HJURP: variants seen among roughly 807,000 people sequenced by gnomAD.
The protein encoded by HJURP is 14-3-3-associated AKT substrate.
A neutral mutation model predicts 72.0 loss-of-function variants in HJURP; 49 were observed. The observed-to-expected ratio is 0.68, with a 90% CI of 0.54 to 0.86. The LOEUF (loss-of-function observed/expected upper bound fraction) is 0.86, where lower values mean the gene tolerates loss of function less well. HJURP is among the 40% of genes least tolerant of loss of function. The pLI, the probability that HJURP is intolerant of heterozygous loss-of-function variation, is 0.00. For synonymous variants in HJURP, 357 were observed against 347.1 expected (o/e 1.03, Z -0.32); for missense variants, 908 against 936.3 (o/e 0.97, Z 0.39).
At chr2:233,843,017 A>G (rs1189078528) in intron 7 of HJURP, among the ~76,000 whole-genome samples, 2 of 152,232 alleles carry the variant, frequency 1.3e-5, no homozygotes, top group East Asian at 3.8e-4. Context: ...GTCAAATTGC[A>G]TACCGGCAAT....
At position 233,841,240 on chromosome 2, in the gene HJURP, A is replaced by G. The variant is rs766729520; in HGVS notation, c.1540T>C (p.Cys514Arg). 8.1e-6 allele frequency: 13 copies of G among 1,613,968 alleles called. No homozygotes were observed. In the East Asian group the frequency reaches 2.5e-4, roughly 30 times the overall value. The change falls in exon 8 of 9, where the codon TGC (cysteine) becomes CGC (arginine). Residue 514 changes from cysteine to arginine, a missense_variant. Coordinates refer to ENST00000411486, the MANE Select transcript of HJURP (RefSeq NM_018410.5). ...GAAGATGAATCGCTCTTGGGCAGGC[A>G]CCTACCTGCTTCCAGAGATCTTTTG... ...LGKRSLEAGR[C>R]LPKSDSSSSL...
Position 233,837,518 on chromosome 2 carries a change from A to G in HJURP, c.*59T>C, listed in dbSNP as rs1705106036. ...CTCACAGTCTCAAGAATCAAAAACA[A>G]AACAAAAATACAAACAGAGAGCAAG... is the stretch of plus-strand genomic sequence containing the variant. On this transcript the variant is annotated 3_prime_UTR_variant, in exon 9 of 9. Coordinates refer to ENST00000411486, the MANE Select transcript of HJURP (RefSeq NM_018410.5). 1.6e-6 allele frequency: 2 copies of G among 1,242,390 alleles called. No individual in the cohort carries two copies. The highest frequency in any genetic ancestry group is 3.0e-5 in the African/African-American group (2 of 67,056). The allele number at this position is 1,242,390 out of a possible 1,614,324, so 77.0% of individuals were successfully genotyped here.
chr2:233,841,557 T>C lies in HJURP; in HGVS notation c.1223A>G (p.Lys408Arg), dbSNP rs1293593559. Residue 408 changes from lysine (K) to arginine (R), a missense_variant, in exon 8 of 9, where the codon AAA (lysine) becomes AGA (arginine). Around this residue, in one of 3 missense-constraint regions of HJURP, gnomAD observed 598 missense variants for 619.5 expected, o/e 0.97. Transcript: ENST00000411486. ...LDEENRFRTL[K>R]WLISPVKIVS... is the part of the protein sequence containing the mutation. ...TATTTTTACAGGAGAAATTAACCAT[T>C]TTAATGTCCTAAATCTATTTTCCTC... 6.2e-7 allele frequency: 1 copy of C among 1,614,166 alleles called. No individual in the cohort carries two copies. Among genetic ancestry groups the C allele is most frequent in the Non-Finnish European group, 8.5e-7 (1 of 1,179,980 alleles).
intron 7 of HJURP, 103 bp from the exon 8 acceptor site, chr2:233,842,308 A>C (rs1705253888): frequency 4.1e-6 from 4 of 979,312 alleles, no homozygotes. Flanking sequence ...ATGTTTTTTT[A>C]AGCAATAGCA....
At position 233,849,777 on chromosome 2, in the gene HJURP, G is replaced by C. The variant is rs554352351; in HGVS notation, c.323C>G (p.Thr108Arg). Residue 108 changes from threonine to arginine, a missense_variant, in exon 4 of 9, where the codon ACA (threonine) becomes AGA (arginine). Coordinates refer to ENST00000411486, the MANE Select transcript of HJURP (RefSeq NM_018410.5). ...AWGPELPSHR[T>R]VLGADSKSGE... ...GCAACACTCACCGGCTCCCAGGACT[G>C]TGCGGTGCGAGGGAAGCTCAGGACC... The C allele has an allele frequency of 6.4e-7, 1 of 1,552,918 alleles. No homozygotes were observed. Among genetic ancestry groups the C allele is most frequent in the African/African-American group, 1.4e-5 (1 of 73,378 alleles).
At chr2:233,847,021 G>T (rs745850496) in intron 5 of HJURP, among the ~76,000 whole-genome samples, 1 of 152,132 alleles carries the variant, frequency 6.6e-6, no homozygotes, top group Non-Finnish European at 1.5e-5. Context: ...ATACTCCCTA[G>T]AACACCTCTC....
chr2:233,853,967 C>A (rs1012566984), intron 1 of HJURP, 57 bp from the exon 2 acceptor site: 25 of 1,518,040 alleles, frequency 1.6e-5, no homozygotes, highest in Middle Eastern at 2.1e-4. Flanking sequence ...GGCCCCAGAC[C>A]CGGGAGGAGG....
intron 7 of HJURP, 36 bp from the exon 8 acceptor site, chr2:233,842,241 T>C: frequency 6.5e-7 from 1 of 1,543,442 alleles, no homozygotes; most frequent in Admixed American, 1.9e-5. Flanking sequence ...AAAGGTGTGT[T>C]ACCATTCTAA....
At position 233,852,597 on chromosome 2, in the gene HJURP, G is replaced by A; in HGVS notation, c.208C>T (p.Leu70=). The part of the protein sequence containing the change: ...PQGLRIWGGR[L]IKERNEGEIQ... Reference sequence around the variant, plus strand: ...TCTCCTTCGTTTCTTTCCTTTATTAGTCTTCCACCCCAAATTCTCAATCCT... The same window carrying A: ...TCTCCTTCGTTTCTTTCCTTTATTAATCTTCCACCCCAAATTCTCAATCCT... Residue 70 remains leucine, a synonymous_variant, in exon 3 of 9, where the codon CTA becomes TTA. Coordinates refer to ENST00000411486, the MANE Select transcript of HJURP (RefSeq NM_018410.5). 2 of 1,605,110 alleles carry A rather than the reference G, an allele frequency of 1.2e-6. No individual in the cohort carries two copies. The highest frequency in any genetic ancestry group is 1.1e-5 in the South Asian group (1 of 90,928).
At chr2:233,852,734 A>C in intron 2 of HJURP, 114 bp from the exon 3 acceptor site, 1 of 733,298 alleles carries the variant, frequency 1.4e-6, no homozygotes, top group South Asian at 1.8e-5. Context: ...CAATATTAAA[A>C]CCAAGCCAGG....
intron 5 of HJURP, 61 bp downstream of exon 5, chr2:233,847,332 CTTTG>C (rs1163060939): frequency 7.7e-7 from 1 of 1,299,922 alleles, no homozygotes; most frequent in African/African-American, 1.5e-5. Context: ...GCCACATGGG[CTTTG>C]ATGGACCCCT....
rs1043506343 is a variant in HJURP at position 233,837,330 on chromosome 2, A to C, written c.*247T>G. On this transcript the variant is annotated 3_prime_UTR_variant, in exon 9 of 9. Transcript: ENST00000411486. Reference sequence around the variant, plus strand: ...CAAACAAACAAATAACCCCCCCCCAAAAAAAACACACACATCAGAAAAACA... The same window carrying C: ...CAAACAAACAAATAACCCCCCCCCACAAAAAACACACACATCAGAAAAACA... The C allele has an allele frequency of 9.1e-5, 29 of 317,820 alleles. No homozygotes were observed. The highest frequency in any genetic ancestry group is 1.1e-3 in the Middle Eastern group (1 of 944). The allele number at this position is 317,820 out of a possible 1,614,324, so 19.7% of individuals were successfully genotyped here.
chr2:233,837,321 C>CA lies in HJURP; in HGVS notation c.*255_*256insT. On this transcript the variant is annotated 3_prime_UTR_variant, in exon 9 of 9. Transcript: ENST00000411486. ...ACAAACAAACAAACAAACAAATAAC[C>CA]CCCCCCCAAAAAAAACACACACATC... 6.1e-6 allele frequency: 2 copies of CA among 330,476 alleles called. No homozygotes were observed. The highest frequency in any genetic ancestry group is 1.1e-5 in the Non-Finnish European group (2 of 184,100). The allele number at this position is 330,476 out of a possible 1,614,324, so 20.5% of individuals were successfully genotyped here. A position where few individuals can be genotyped will look rare whatever the true frequency, so the allele number is the denominator to read the frequency against.
At chr2:233,851,902 G>A (rs1012340951) in intron 3 of HJURP, among the ~76,000 whole-genome samples, 4 of 152,136 alleles carry the variant, frequency 2.6e-5, no homozygotes, top group Non-Finnish European at 5.9e-5. Flanking sequence ...ACCACAGAGA[G>A]GAACCATGTG....
chr2:233,840,675 T>TGGGGTGTCCAC lies in HJURP; in HGVS notation c.2104_2105insGTGGACACCCC (p.Asp702GlyfsTer43). On this transcript the variant is annotated frameshift_variant, in exon 8 of 9. Transcript: ENST00000411486. LOFTEE classifies it high-confidence loss of function. Reference sequence around the variant, plus strand: ...CGGTCTGACGGTGTTGTCCACCCCATCTGAGGCACCCAGGGAATTGCCCTG... The same window carrying TGGGGTGTCCAC: ...CGGTCTGACGGTGTTGTCCACCCCATGGGGTGTCCACCTGAGGCACCCAGGGAATTGCCCTG... The TGGGGTGTCCAC allele has an allele frequency of 6.2e-7, 1 of 1,613,830 alleles. No individual in the cohort carries two copies. Among genetic ancestry groups the TGGGGTGTCCAC allele is most frequent in the Middle Eastern group, 1.7e-4 (1 of 6,060 alleles).
intron 4 of HJURP, among the ~76,000 whole-genome samples, chr2:233,848,199 C>T (rs1189388792): frequency 3.3e-5 from 5 of 152,102 alleles, no homozygotes; most frequent in South Asian, 2.1e-4. Context: ...TGCGGAAGGC[C>T]AGTGTCCAGG....
chr2:233,851,575 T>C (rs1705497088), intron 3 of HJURP, among the ~76,000 whole-genome samples: 1 of 152,090 alleles, frequency 6.6e-6, no homozygotes. Flanking sequence ...AAACATGATT[T>C]TTTAAATAAT....
chr2:233,853,977 G>A, intron 1 of HJURP, 67 bp from the exon 2 acceptor site: 1 of 1,442,268 alleles, frequency 6.9e-7, no homozygotes, highest in African/African-American at 1.4e-5. Flanking sequence ...CCGGGAGGAG[G>A]CGGCGCCAGC....
At chr2:233,854,008 G>A in intron 1 of HJURP, 98 bp from the exon 2 acceptor site, 1 of 1,065,898 alleles carries the variant, frequency 9.4e-7, no homozygotes, top group Non-Finnish European at 1.4e-6. Flanking sequence ...CCGTTAGTCT[G>A]GCCTGGGGCG....
Sources: allele counts gnomAD v4.1 joint callset (sites outside exome capture counted in the v4.1 genomes callset), GRCh38; gene constraint gnomAD v4.1.1; regional missense constraint gnomAD v4.1.1; transcripts MANE v1.5; gene names NCBI Gene and HGNC (gene_info 2026-07-23, HGNC 2026-07-21).